Variants in KCNQ4 observed in about 807,000 individuals in gnomAD.
KCNQ4 encodes potassium voltage-gated channel subfamily KQT member 4.
A neutral mutation model predicts 72.6 loss-of-function variants in KCNQ4; 31 were observed. The observed-to-expected ratio is 0.43, with a 90% confidence interval of 0.32 to 0.58. The LOEUF is 0.58. Ranked by LOEUF, KCNQ4 falls within the 20% of genes least tolerant of loss-of-function variation. KCNQ4 has a pLI of 0.08. For synonymous variants in KCNQ4, 405 were observed against 403.7 expected, an observed-to-expected ratio of 1.00 and a Z score of -0.04; for missense variants, 869 against 962.6, an observed-to-expected ratio of 0.90 and a Z score of 1.29.
intron 8 of KCNQ4, among the ~76,000 whole-genome samples, chr1:40,823,703 C>A (rs116558532): frequency 0.013 from 1,918 of 152,290 alleles, 14 homozygotes; most frequent in Non-Finnish European, 0.02. Flanking sequence ...GGCTAGCCAC[C>A]CTGTCACACC....
At chr1:40,807,353 G>A (rs974218071) in intron 1 of KCNQ4, among the ~76,000 whole-genome samples, 2 of 152,150 alleles carry the variant, frequency 1.3e-5, no homozygotes, top group Non-Finnish European at 2.9e-5. Flanking sequence ...GGGAAACTGA[G>A]GCTCCATCAG....
At chr1:40,789,838 C>G (rs1239610997) in intron 1 of KCNQ4, among the ~76,000 whole-genome samples, 3 of 152,190 alleles carry the variant, frequency 2.0e-5, no homozygotes, top group Admixed American at 6.5e-5. Context: ...GTCAAAGGAG[C>G]TGGAACTGCC....
intron 4 of KCNQ4, chr1:40,819,090 G>T: frequency 1.9e-6 from 1 of 517,432 alleles, no homozygotes. Context: ...CCGGGTGCTG[G>T]AGTCCTGAGC....
At chr1:40,837,909 A>G (rs1648852522) in intron 13 of KCNQ4, 115 bp downstream of exon 13, 14 of 1,400,904 alleles carry the variant, frequency 1.0e-5, no homozygotes, top group Non-Finnish European at 1.4e-5. Context: ...GAGAAGACCT[A>G]AGAGCCCCCT....
At chr1:40,806,840 C>CCAA (rs1647778360) in intron 1 of KCNQ4, among the ~76,000 whole-genome samples, 1 of 152,196 alleles carries the variant, frequency 6.6e-6, no homozygotes, top group African/African-American at 2.4e-5. Flanking sequence ...GTTCTTAGTT[C>CCAA]CATTCCTGCG....
chr1:40,807,550 C>T (rs962964322), intron 1 of KCNQ4, among the ~76,000 whole-genome samples: 45 of 152,338 alleles, frequency 3.0e-4, no homozygotes, highest in African/African-American at 1.0e-3. Context: ...GAGCCTCGCT[C>T]TGAGGCCTGG....
intron 1 of KCNQ4, among the ~76,000 whole-genome samples, chr1:40,786,782 G>T (rs895874562): frequency 3.3e-5 from 5 of 152,112 alleles, no homozygotes; most frequent in African/African-American, 9.7e-5. Flanking sequence ...AGCTCCAGGG[G>T]CCTGTCTGAG....
At chr1:40,835,299 T>C (rs956039977) in intron 12 of KCNQ4, among the ~76,000 whole-genome samples, 3 of 152,174 alleles carry the variant, frequency 2.0e-5, no homozygotes, top group African/African-American at 4.8e-5. Context: ...AACCCAACCA[T>C]AGTTTCTCTG....
chr1:40,797,128 C>T (rs1181695896), intron 1 of KCNQ4, among the ~76,000 whole-genome samples: 1 of 152,204 alleles, frequency 6.6e-6, no homozygotes, highest in African/African-American at 2.4e-5. Context: ...AGACCTTCCT[C>T]TGCTCCCTGG....
chr1:40,810,558 A>G (rs1647905478), intron 1 of KCNQ4, among the ~76,000 whole-genome samples: 2 of 151,528 alleles, frequency 1.3e-5, no homozygotes, highest in South Asian at 2.1e-4. Flanking sequence ...ATGCCCTGCC[A>G]TCTTTCCTAC....
At chr1:40,837,635 C>CG in intron 12 of KCNQ4, 30 bp from the exon 13 acceptor site, 6 of 1,605,810 alleles carry the variant, frequency 3.7e-6, no homozygotes, top group Non-Finnish European at 5.1e-6. Context: ...GGCGTGTCCC[C>CG]GGGCCCTCTG....
intron 1 of KCNQ4, among the ~76,000 whole-genome samples, chr1:40,810,067 A>AG (rs1300817583): frequency 2.0e-5 from 3 of 151,258 alleles, no homozygotes; most frequent in Non-Finnish European, 4.4e-5. Flanking sequence ...CTCAAAAAAA[A>AG]AAAGAACTCT....
chr1:40,784,433 C>G lies in KCNQ4; in HGVS notation c.314+26C>G, dbSNP rs747624059. On this transcript the variant is annotated intron_variant, in intron 1 of 13. Transcript: ENST00000347132. The surrounding 1 kb of genome is among the most constrained non-coding windows in gnomAD (Gnocchi z 4.1). ...GTGAGTTTGCGACCCCGCGCCCTTCCGCGTTTCCCCGCGCAAGCCTGGCCT... is the reference window on the plus strand; with the variant it reads ...GTGAGTTTGCGACCCCGCGCCCTTCGGCGTTTCCCCGCGCAAGCCTGGCCT... The G allele has an allele frequency of 6.2e-7, 1 of 1,600,072 alleles. No homozygotes were observed. Among genetic ancestry groups the G allele is most frequent in the South Asian group, 1.1e-5 (1 of 90,990 alleles).
rs1235488909 is a variant in KCNQ4 at position 40,794,529 on chromosome 1, G to T, written c.314+10122G>T. On this transcript the variant is annotated intron_variant, in intron 1 of 13. Coordinates refer to ENST00000347132, the MANE Select transcript of KCNQ4 (RefSeq NM_004700.4). This position sits in a 1 kb window ranked among gnomAD's most constrained non-coding sequence, Gnocchi z 4.2. ...GACTCAAACCCATGTCGGCATCAGG[G>T]CCAAGCCCGAGCTCTAAATGGTTCT... is the stretch of plus-strand genomic sequence containing the variant. Among the ~76,000 whole-genome samples, 1 of 152,232 alleles carries T rather than the reference G, an allele frequency of 6.6e-6. No homozygotes were observed. The highest frequency in any genetic ancestry group is 1.5e-5 in the Non-Finnish European group (1 of 68,040).
At chr1:40,809,937 C>G (rs183834486) in intron 1 of KCNQ4, among the ~76,000 whole-genome samples, 1 of 152,114 alleles carries the variant, frequency 6.6e-6, no homozygotes, top group Non-Finnish European at 1.5e-5. Flanking sequence ...TGGTGGTAGG[C>G]ACCTGTAATC....
chr1:40,821,692 G>T (rs1648298833), intron 7 of KCNQ4, among the ~76,000 whole-genome samples: 1 of 152,210 alleles, frequency 6.6e-6, no homozygotes, highest in African/African-American at 2.4e-5. Context: ...CATTTGCAAA[G>T]CACCCACATG....
At chr1:40,807,131 CG>C (rs1558001515) in intron 1 of KCNQ4, among the ~76,000 whole-genome samples, 3 of 152,104 alleles carry the variant, frequency 2.0e-5, no homozygotes, top group Non-Finnish European at 2.9e-5. Context: ...GTCAGGCTAA[CG>C]GGAATGCTTT....
At chr1:40,798,358 C>T (rs566225104) in intron 1 of KCNQ4, among the ~76,000 whole-genome samples, 1 of 152,346 alleles carries the variant, frequency 6.6e-6, no homozygotes, top group East Asian at 1.9e-4. Flanking sequence ...ACATCTCGAG[C>T]CTTAGCTCGA....
At position 40,817,495 on chromosome 1, in the gene KCNQ4, A is replaced by C; in HGVS notation, c.405+140A>C. ...ACTGAAGGGGGCTGTGTGAGGTAGCACCTCTGGGCTGGGAGTCCGGGACTG... is the reference window on the plus strand; with the variant it reads ...ACTGAAGGGGGCTGTGTGAGGTAGCCCCTCTGGGCTGGGAGTCCGGGACTG... On this transcript the variant is annotated intron_variant, in intron 2 of 13. Transcript: ENST00000347132. This position sits in a 1 kb window ranked among gnomAD's most constrained non-coding sequence, Gnocchi z 5.5. 1.7e-6 allele frequency: 1 copy of C among 583,920 alleles called. No homozygotes were observed. The highest frequency in any genetic ancestry group is 3.0e-6 in the Non-Finnish European group (1 of 335,460). 36.2% of individuals were successfully genotyped at this position (583,920 alleles called of 1,614,324 possible).
Sources: gnomAD v4.1 joint callset for allele counts (sites outside exome capture counted in the v4.1 genomes callset) on GRCh38, gnomAD v4.1.1 for gene constraint, Gnocchi (gnomAD v3.1) non-coding constraint, MANE v1.5 for transcripts, NCBI Gene and HGNC (gene_info 2026-07-23, HGNC 2026-07-21) for gene names.